Variants in DRC11 observed in about 807,000 individuals in gnomAD.
DRC11 encodes dynein regulatory complex subunit 11, also known as IQ and AAA domain-containing protein 1.
the DRC11 span, chr2:236,419,076 A>G: frequency 6.8e-7 from 1 of 1,466,978 alleles, no homozygotes; most frequent in Non-Finnish European, 9.0e-7. This position sits in a 1 kb window ranked among gnomAD's most constrained non-coding sequence, Gnocchi z 4.8. Context: ...TAAATATCTC[A>G]TTGACTCAAA....
the DRC11 span, among the ~76,000 whole-genome samples, chr2:236,326,271 T>C: frequency 9.2e-5 from 14 of 152,246 alleles, no homozygotes; most frequent in South Asian, 2.1e-4. Context: ...AAACAATTGT[T>C]CCTCTGATAC....
the DRC11 span, among the ~76,000 whole-genome samples, chr2:236,435,984 C>T: frequency 1.1e-4 from 16 of 152,258 alleles, no homozygotes; most frequent in Non-Finnish European, 2.1e-4. Context: ...GTTTGATCCA[C>T]GTCACTTAAA....
At chr2:236,439,705 CTTAT>C in the DRC11 span, among the ~76,000 whole-genome samples, 5 of 151,970 alleles carry the variant, frequency 3.3e-5, no homozygotes, top group African/African-American at 4.8e-5. Context: ...TTTCCTTTTT[CTTAT>C]TTGTTTGGCA....
the DRC11 span, chr2:236,363,694 G>A: frequency 1.8e-5 from 19 of 1,037,328 alleles, no homozygotes; most frequent in Non-Finnish European, 2.8e-5. The surrounding 1 kb of genome is among the most constrained non-coding windows in gnomAD (Gnocchi z 5.6). Flanking sequence ...AGTCATGCTT[G>A]TCTGCCAATG....
the DRC11 span, among the ~76,000 whole-genome samples, chr2:236,416,724 T>TAC: frequency 4.9e-5 from 1 of 20,496 alleles, no homozygotes; most frequent in Non-Finnish European, 9.8e-5. Flanking sequence ...TATATATTTA[T>TAC]ATATATATAT....
the DRC11 span, among the ~76,000 whole-genome samples, chr2:236,309,820 A>T: frequency 1.3e-5 from 2 of 152,020 alleles, no homozygotes; most frequent in African/African-American, 4.8e-5. This position sits in a 1 kb window ranked among gnomAD's most constrained non-coding sequence, Gnocchi z 5.7. Flanking sequence ...CCACCTCCTC[A>T]TCCAGCTCTC....
At chr2:236,452,762 A>G in the DRC11 span, among the ~76,000 whole-genome samples, 1 of 152,240 alleles carries the variant, frequency 6.6e-6, no homozygotes, top group Admixed American at 6.5e-5. The surrounding 1 kb of genome is among the most constrained non-coding windows in gnomAD (Gnocchi z 4.7). Flanking sequence ...CTCAAGACCG[A>G]AGTGTCCTTC....
At chr2:236,353,176 C>T in the DRC11 span, among the ~76,000 whole-genome samples, 2 of 152,354 alleles carry the variant, frequency 1.3e-5, no homozygotes, top group East Asian at 3.9e-4. The surrounding 1 kb of genome is among the most constrained non-coding windows in gnomAD (Gnocchi z 5.0). Flanking sequence ...CGGACAATTA[C>T]ATTAATTAAT....
chr2:236,485,403 T>C, the DRC11 span, among the ~76,000 whole-genome samples: 1 of 152,176 alleles, frequency 6.6e-6, no homozygotes, highest in East Asian at 1.9e-4. Flanking sequence ...AGTCATTGTA[T>C]TTATCAATGT....
chr2:236,475,790 G>T, the DRC11 span, among the ~76,000 whole-genome samples: 1 of 152,110 alleles, frequency 6.6e-6, no homozygotes, highest in Non-Finnish European at 1.5e-5. The surrounding 1 kb of genome is among the most constrained non-coding windows in gnomAD (Gnocchi z 4.8). Flanking sequence ...TCTGCATATG[G>T]TTATCCAGTT....
At chr2:236,358,808 G>T in the DRC11 span, among the ~76,000 whole-genome samples, 1 of 148,728 alleles carries the variant, frequency 6.7e-6, no homozygotes, top group African/African-American at 2.5e-5. Context: ...CTGACCTCTG[G>T]ATTTCACGCT....
At chr2:236,444,425 G>T in the DRC11 span, among the ~76,000 whole-genome samples, 3 of 152,232 alleles carry the variant, frequency 2.0e-5, no homozygotes, top group Admixed American at 1.3e-4. Flanking sequence ...AAAATAGCAC[G>T]CAATGTCTTG....
the DRC11 span, among the ~76,000 whole-genome samples, chr2:236,426,151 T>C: frequency 6.6e-6 from 1 of 152,084 alleles, no homozygotes; most frequent in Non-Finnish European, 1.5e-5. The surrounding 1 kb of genome is among the most constrained non-coding windows in gnomAD (Gnocchi z 4.1). Context: ...TTAGAATTGC[T>C]TTTTCTATTT....
the DRC11 span, among the ~76,000 whole-genome samples, chr2:236,427,222 C>T: frequency 8.7e-4 from 132 of 152,238 alleles, 1 homozygote; most frequent in Admixed American, 3.4e-3. This position sits in a 1 kb window ranked among gnomAD's most constrained non-coding sequence, Gnocchi z 5.9. Flanking sequence ...TCATCATGAA[C>T]ATTGGCTTAT....
chr2:236,331,765 T>C, the DRC11 span: 12 of 605,848 alleles, frequency 2.0e-5, no homozygotes, highest in Middle Eastern at 4.4e-4. This position sits in a 1 kb window ranked among gnomAD's most constrained non-coding sequence, Gnocchi z 4.8. Context: ...AATGCTTTCC[T>C]CTAGAGAATT....
chr2:236,380,469 G>A, the DRC11 span: 2 of 886,884 alleles, frequency 2.3e-6, no homozygotes, highest in Non-Finnish European at 3.7e-6. The surrounding 1 kb of genome is among the most constrained non-coding windows in gnomAD (Gnocchi z 4.9). Context: ...TGTGGAGGAT[G>A]AAGAGGGCGT....
the DRC11 span, chr2:236,367,674 C>T: frequency 6.3e-6 from 1 of 159,468 alleles, no homozygotes; most frequent in Non-Finnish European, 1.4e-5. This position sits in a 1 kb window ranked among gnomAD's most constrained non-coding sequence, Gnocchi z 4.8. Context: ...ATCGCCTGCA[C>T]ACCACAGAGC....
chr2:236,324,770 T>A, the DRC11 span: 1 of 1,602,790 alleles, frequency 6.2e-7, no homozygotes, highest in Non-Finnish European at 8.5e-7. The surrounding 1 kb of genome is among the most constrained non-coding windows in gnomAD (Gnocchi z 5.7). Context: ...CAGAGGAGTT[T>A]TGGCATACCA....
chr2:236,429,315 A>G, the DRC11 span, among the ~76,000 whole-genome samples: 153 of 152,290 alleles, frequency 1.0e-3, no homozygotes, highest in Middle Eastern at 0.01. The surrounding 1 kb of genome is among the most constrained non-coding windows in gnomAD (Gnocchi z 5.9). Flanking sequence ...AGCAGCTTGC[A>G]TATGCATAAT....
Sources: gnomAD v4.1 joint callset for allele counts (sites outside exome capture counted in the v4.1 genomes callset) on GRCh38, gnomAD v4.1.1 for gene constraint, Gnocchi (gnomAD v3.1) non-coding constraint, MANE v1.5 for transcripts, NCBI Gene and HGNC (gene_info 2026-07-23, HGNC 2026-07-21) for gene names.